Variants in ARHGAP6 observed in about 807,000 individuals in gnomAD.
The protein encoded by ARHGAP6 is rho GTPase-activating protein 6.
A neutral mutation model predicts 55.7 loss-of-function variants in ARHGAP6; 16 were observed. The observed-to-expected ratio is 0.29, with a 90% CI of 0.19 to 0.44. The LOEUF is 0.44. Ranked by LOEUF, ARHGAP6 falls within the 20% of genes least tolerant of loss-of-function variation. The pLI, the probability that ARHGAP6 is intolerant of heterozygous loss-of-function variation, is 1.00. For synonymous variants in ARHGAP6, 382 were observed against 360.9 expected (o/e 1.06, Z -0.66); for missense variants, 698 against 808.9 (o/e 0.86, Z 1.66).
At chrX:11,573,346 T>C (rs181693325) in intron 1 of ARHGAP6, among the ~76,000 whole-genome samples, 9,067 of 109,536 alleles carry the variant, frequency 0.083, 392 homozygotes, top group East Asian at 0.19. Flanking sequence ...TTCATCCATC[T>C]TGAATTCATT....
At chrX:11,233,157 TG>T (rs1183411415) in intron 2 of ARHGAP6, among the ~76,000 whole-genome samples, 1 of 112,761 alleles carries the variant, frequency 8.9e-6, no homozygotes. Context: ...AGACATTTTT[TG>T]TTACTAGATT....
chrX:11,494,141 T>G (rs1477879438), intron 1 of ARHGAP6, among the ~76,000 whole-genome samples: 1 of 111,907 alleles, frequency 8.9e-6, no homozygotes, highest in African/African-American at 3.3e-5. Flanking sequence ...ACAAGTAACA[T>G]GCCTCCCTCC....
intron 1 of ARHGAP6, among the ~76,000 whole-genome samples, chrX:11,325,275 A>G (rs2048484595): frequency 8.9e-6 from 1 of 112,565 alleles, no homozygotes; most frequent in Non-Finnish European, 1.9e-5. Context: ...ATGCTTATCA[A>G]TCACTATTAA....
chrX:11,186,165 T>C (rs1804968707), intron 5 of ARHGAP6, 71 bp downstream of exon 5: 3 of 966,017 alleles, frequency 3.1e-6, no homozygotes, highest in Middle Eastern at 3.7e-4. Flanking sequence ...AGAATTGACA[T>C]TGGGTACTTC....
intron 1 of ARHGAP6, among the ~76,000 whole-genome samples, chrX:11,398,262 TAAAAA>T (rs60548732): frequency 1.7e-5 from 1 of 58,833 alleles, no homozygotes; most frequent in Admixed American, 2.2e-4. Context: ...GTAAGTGCTA[TAAAAA>T]AAAAAAAAAA....
At chrX:11,350,404 A>G (rs947886563) in intron 1 of ARHGAP6, among the ~76,000 whole-genome samples, 1 of 112,416 alleles carries the variant, frequency 8.9e-6, no homozygotes, top group Non-Finnish European at 1.9e-5. Flanking sequence ...ACCAAACTCC[A>G]GAGAGTTTTC....
chrX:11,569,854 A>G (rs1375563256), intron 1 of ARHGAP6, among the ~76,000 whole-genome samples: 1 of 112,381 alleles, frequency 8.9e-6, no homozygotes, highest in Non-Finnish European at 1.9e-5. Flanking sequence ...TTGCTGCCAC[A>G]GAGTCTTCCC....
chrX:11,204,726 CTACT>C (rs1348234362), intron 2 of ARHGAP6, among the ~76,000 whole-genome samples: 1 of 111,968 alleles, frequency 8.9e-6, no homozygotes, highest in Non-Finnish European at 1.9e-5. Context: ...CTCCAGCTAC[CTACT>C]TAGTCTTCTG....
In ARHGAP6 at chrX:11,251,037, G is replaced by A. The variant is rs5934986; in HGVS notation, c.748+3511C>T. On this transcript the variant is annotated intron_variant, in intron 2 of 12. Transcript: ENST00000337414. ...GGTGTATTTAGCTTAACAGTGTTTAGATACCAGGATGTTTATTTTTCATTT... is the reference window on the plus strand; with the variant it reads ...GGTGTATTTAGCTTAACAGTGTTTAAATACCAGGATGTTTATTTTTCATTT... Among the ~76,000 whole-genome samples the A allele has an allele frequency of 2.7e-5, 3 of 111,874 alleles. No homozygotes were observed. In the East Asian group the frequency reaches 8.4e-4, roughly 31 times the overall value.
At chrX:11,179,128 CT>C (rs761842928) in intron 7 of ARHGAP6, among the ~76,000 whole-genome samples, 173 bp downstream of exon 7, 41 of 112,363 alleles carry the variant, frequency 3.6e-4, no homozygotes, top group African/African-American at 1.3e-3. Context: ...TAACTTTCTT[CT>C]TGCTAATTAT....
At chrX:11,253,693 T>A (rs1334687487) in intron 2 of ARHGAP6, among the ~76,000 whole-genome samples, 1 of 111,159 alleles carries the variant, frequency 9.0e-6, no homozygotes, top group Non-Finnish European at 1.9e-5. Flanking sequence ...GATCACAAGG[T>A]CAAGGGATTG....
chrX:11,430,712 G>A (rs940498831), intron 1 of ARHGAP6, among the ~76,000 whole-genome samples: 10 of 111,732 alleles, frequency 8.9e-5, no homozygotes, highest in African/African-American at 3.3e-4. Flanking sequence ...TTGTTCACTT[G>A]GTCATTATTC....
chrX:11,475,140 T>G (rs1164643249), intron 1 of ARHGAP6, among the ~76,000 whole-genome samples: 1 of 111,893 alleles, frequency 8.9e-6, no homozygotes, highest in Non-Finnish European at 1.9e-5. Context: ...AGTATTATCT[T>G]CAGTGGTTTA....
intron 1 of ARHGAP6, among the ~76,000 whole-genome samples, chrX:11,340,587 G>A (rs1441832447): frequency 9.2e-6 from 1 of 109,073 alleles, no homozygotes; most frequent in Non-Finnish European, 1.9e-5. Context: ...AAATTAGCCG[G>A]GCGTAGTGGC....
intron 8 of ARHGAP6, among the ~76,000 whole-genome samples, chrX:11,176,144 A>G (rs2046209878): frequency 1.0e-5 from 1 of 96,819 alleles, no homozygotes; most frequent in African/African-American, 3.7e-5. Context: ...GTGGGTTGCT[A>G]GGTAAGTTAC....
intron 1 of ARHGAP6, among the ~76,000 whole-genome samples, chrX:11,516,212 C>T (rs758000226): frequency 5.3e-5 from 6 of 112,561 alleles, no homozygotes; most frequent in African/African-American, 1.9e-4. Context: ...TCCTTTCATT[C>T]AAATGTTTTC....
At chrX:11,297,093 G>T (rs1156677084) in intron 1 of ARHGAP6, among the ~76,000 whole-genome samples, 1 of 111,682 alleles carries the variant, frequency 9.0e-6, no homozygotes, top group Non-Finnish European at 1.9e-5. Context: ...ACTCAGGGAG[G>T]CTCCATGATA....
intron 1 of ARHGAP6, among the ~76,000 whole-genome samples, chrX:11,301,686 A>G (rs747166547): frequency 1.8e-5 from 2 of 112,243 alleles, no homozygotes; most frequent in Non-Finnish European, 3.8e-5. Flanking sequence ...GACCAATTCT[A>G]ATCAATTGAG....
chrX:11,535,145 C>G (rs971721272), intron 1 of ARHGAP6, among the ~76,000 whole-genome samples: 2 of 111,587 alleles, frequency 1.8e-5, no homozygotes, highest in African/African-American at 6.5e-5. Context: ...CCCCTCTCTC[C>G]AGTTCCTCCA....
Sources: gnomAD v4.1 joint callset for allele counts (sites outside exome capture counted in the v4.1 genomes callset) on GRCh38, gnomAD v4.1.1 for gene constraint, MANE v1.5 for transcripts, NCBI Gene and HGNC (gene_info 2026-07-23, HGNC 2026-07-21) for gene names.